Variants in ARHGEF3 observed in about 807,000 individuals in gnomAD.
ARHGEF3 encodes Rho guanine nucleotide exchange factor 3.
Under a neutral mutation model 63.2 loss-of-function variants are expected in ARHGEF3, and 28 were observed. That is an observed-to-expected ratio of 0.44 (90% confidence interval 0.33 to 0.61). The LOEUF (loss-of-function observed/expected upper bound fraction) is 0.61, where lower values mean the gene tolerates loss of function less well. Ranked by LOEUF, ARHGEF3 falls within the 20% of genes least tolerant of loss-of-function variation. The pLI is 0.03. For missense variants in ARHGEF3, 533 were observed against 659.3 expected (o/e 0.81, Z 2.10); for synonymous variants, 266 against 254.2 (o/e 1.05, Z -0.44).
At chr3:57,068,129 T>A (rs1705666792) in intron 1 of ARHGEF3, among the ~76,000 whole-genome samples, 1 of 150,846 alleles carries the variant, frequency 6.6e-6, no homozygotes, top group Non-Finnish European at 1.5e-5. Context: ...GGGTAACTAT[T>A]GTTTCACCAA....
At chr3:56,967,312 A>AATATC (rs750052427) in intron 2 of ARHGEF3, among the ~76,000 whole-genome samples, 2 of 56,088 alleles carry the variant, frequency 3.6e-5, no homozygotes, top group African/African-American at 1.1e-4. Context: ...TATATTATAT[A>AATATC]TTATATATTA....
chr3:56,958,307 T>A (rs1389916148), intron 3 of ARHGEF3, among the ~76,000 whole-genome samples: 1 of 149,822 alleles, frequency 6.7e-6, no homozygotes, highest in Admixed American at 6.7e-5. Context: ...AGAAGCTTAC[T>A]GGGCCACTTG....
chr3:56,875,707 C>A (rs1336478670), intron 4 of ARHGEF3, among the ~76,000 whole-genome samples: 2 of 152,196 alleles, frequency 1.3e-5, no homozygotes, highest in African/African-American at 2.4e-5. Flanking sequence ...AAACATTTAT[C>A]TGTCCCTTTC....
At chr3:56,769,511 T>C (rs1192376509) in intron 2 of ARHGEF3, among the ~76,000 whole-genome samples, 1 of 152,258 alleles carries the variant, frequency 6.6e-6, no homozygotes, top group Non-Finnish European at 1.5e-5. Flanking sequence ...GCCTTTGTGT[T>C]GGGGTGCAAG....
chr3:57,076,028 C>T (rs562323724), intron 1 of ARHGEF3, among the ~76,000 whole-genome samples: 5 of 152,020 alleles, frequency 3.3e-5, no homozygotes, highest in Non-Finnish European at 4.4e-5. Flanking sequence ...CCTGTGCAAG[C>T]GAAGTGATAT....
At chr3:56,926,519 A>G (rs558515556) in intron 3 of ARHGEF3, among the ~76,000 whole-genome samples, 2 of 152,394 alleles carry the variant, frequency 1.3e-5, no homozygotes, top group Non-Finnish European at 2.9e-5. Context: ...GCTGAAAGCC[A>G]GGAATTGTAA....
chr3:56,931,115 C>T (rs573394313), intron 3 of ARHGEF3, among the ~76,000 whole-genome samples: 1 of 152,254 alleles, frequency 6.6e-6, no homozygotes, highest in Non-Finnish European at 1.5e-5. Flanking sequence ...AAACCTATTC[C>T]AGTCTAAACC....
chr3:56,920,008 A>T (rs147400051), intron 3 of ARHGEF3, among the ~76,000 whole-genome samples: 1 of 152,212 alleles, frequency 6.6e-6, no homozygotes, highest in Admixed American at 6.5e-5. Context: ...CTAGAGAAGG[A>T]TCGCTAACAA....
chr3:56,921,054 CA>C (rs34087284), intron 3 of ARHGEF3, among the ~76,000 whole-genome samples: 2,961 of 60,608 alleles, frequency 0.049, 37 homozygotes, highest in African/African-American at 0.15. Context: ...GACTCCATCT[CA>C]AAAAAAAAAA....
chr3:56,836,361 T>C (rs755888053), intron 4 of ARHGEF3, among the ~76,000 whole-genome samples: 1 of 152,212 alleles, frequency 6.6e-6, no homozygotes. Flanking sequence ...AAATGGGATA[T>C]AGTTGGGGAA....
At chr3:56,958,029 T>C (rs189269050) in intron 3 of ARHGEF3, among the ~76,000 whole-genome samples, 1 of 152,284 alleles carries the variant, frequency 6.6e-6, no homozygotes. Flanking sequence ...GTTGATTGCT[T>C]TGTGCTTGGT....
At chr3:57,032,947 T>G (rs559698279) in intron 2 of ARHGEF3, among the ~76,000 whole-genome samples, 27 of 152,238 alleles carry the variant, frequency 1.8e-4, no homozygotes, top group Non-Finnish European at 2.9e-4. Context: ...GATGGGTCCC[T>G]GTGGGGACAG....
At chr3:56,751,005 C>A in intron 6 of ARHGEF3, 51 bp downstream of exon 6, 2 of 1,347,742 alleles carry the variant, frequency 1.5e-6, no homozygotes, top group South Asian at 1.5e-5. Flanking sequence ...ATGAAACTCC[C>A]ATCTATATTA....
intron 2 of ARHGEF3, among the ~76,000 whole-genome samples, chr3:56,977,793 T>C (rs1307702310): frequency 1.3e-5 from 2 of 152,112 alleles, no homozygotes; most frequent in Admixed American, 6.6e-5. Context: ...TCTTAGACTA[T>C]GAAAAATAGG....
At chr3:56,805,908 C>A (rs529133325), upstream of ARHGEF3, among the ~76,000 whole-genome samples, 1 of 152,274 alleles carries the variant, frequency 6.6e-6, no homozygotes, top group Non-Finnish European at 1.5e-5. Flanking sequence ...AATGTCTCAC[C>A]ATCCAGAATA....
chr3:56,867,530 T>G (rs1438704698), intron 4 of ARHGEF3, among the ~76,000 whole-genome samples: 1 of 152,076 alleles, frequency 6.6e-6, no homozygotes, highest in Non-Finnish European at 1.5e-5. Flanking sequence ...TGGAGTACAG[T>G]GGAGAAATCA....
At chr3:56,947,690 C>T (rs1699584259) in intron 3 of ARHGEF3, among the ~76,000 whole-genome samples, 1 of 152,134 alleles carries the variant, frequency 6.6e-6, no homozygotes, top group South Asian at 2.1e-4. Flanking sequence ...GAGACTTTAA[C>T]ACCCCACTGT....
At chr3:56,821,846 A>G (rs2038506151) in intron 4 of ARHGEF3, among the ~76,000 whole-genome samples, 2 of 151,860 alleles carry the variant, frequency 1.3e-5, no homozygotes, top group Non-Finnish European at 1.5e-5. Context: ...AGCCTGTAGT[A>G]CTAGGTACTC....
intron 3 of ARHGEF3, among the ~76,000 whole-genome samples, chr3:56,920,758 A>T (rs1006152054): frequency 2.0e-5 from 3 of 152,212 alleles, no homozygotes; most frequent in Non-Finnish European, 4.4e-5. Flanking sequence ...TAGTAAAAAA[A>T]TCTCATGGCC....
Sources: gnomAD v4.1 joint callset for allele counts (sites outside exome capture counted in the v4.1 genomes callset) on GRCh38, gnomAD v4.1.1 for gene constraint, MANE v1.5 for transcripts, NCBI Gene and HGNC (gene_info 2026-07-23, HGNC 2026-07-21) for gene names.